Variants in USP34 observed in about 807,000 individuals in gnomAD.
USP34 encodes the protein ubiquitin carboxyl-terminal hydrolase 34.
USP34 carries 70 observed loss-of-function variants against 460.3 expected under a neutral mutation model. That is an observed-to-expected ratio of 0.15 (90% confidence interval 0.13 to 0.19). The LOEUF (loss-of-function observed/expected upper bound fraction) is 0.19, where lower values mean the gene tolerates loss of function less well. Among genes scored for constraint, USP34 ranks in the 10% least tolerant of loss-of-function variants. USP34 has a pLI of 1.00. For synonymous variants in USP34, 1,647 were observed against 1,405.3 expected (o/e 1.17, Z -3.85); for missense variants, 3,985 against 4,236.2 (o/e 0.94, Z 1.65).
chr2:61,440,755 C>T (rs1470428770), intron 1 of USP34, among the ~76,000 whole-genome samples: 10 of 151,610 alleles, frequency 6.6e-5, no homozygotes, highest in African/African-American at 2.4e-4. Flanking sequence ...TGACCTCAGG[C>T]AATCCGCCTG....
Position 61,214,677 on chromosome 2 carries a change from C to T in USP34, c.8065G>A (p.Val2689Met). 2.5e-6 allele frequency: 4 copies of T among 1,613,730 alleles called. No homozygotes were observed. Among genetic ancestry groups the T allele is most frequent in the Non-Finnish European group, 2.5e-6 (3 of 1,179,880 alleles). Reference sequence around the variant, plus strand: ...AATGAATTGCTTGGTATAAGGGACACCAGAAGATAAGCTGCAGCTATAAAA... The same window carrying T: ...AATGAATTGCTTGGTATAAGGGACATCAGAAGATAAGCTGCAGCTATAAAA... The part of the protein sequence containing the change: ...RVRTSAAYLL[V>M]SLIPSNSFRQ... Residue 2689 changes from valine (V) to methionine (M), a missense_variant, in exon 68 of 80, where the codon GTG becomes ATG. Transcript: ENST00000398571.
chr2:61,323,715 T>C (rs1690998688), intron 21 of USP34, among the ~76,000 whole-genome samples: 1 of 152,166 alleles, frequency 6.6e-6, no homozygotes, highest in Admixed American at 6.5e-5. Flanking sequence ...AGAGAATCTA[T>C]ACTGTGTATA....
intron 1 of USP34, among the ~76,000 whole-genome samples, chr2:61,438,315 A>T (rs549106870): frequency 1.3e-4 from 20 of 149,200 alleles, no homozygotes; most frequent in East Asian, 3.9e-4. Context: ...ATTCGTGATT[A>T]AAAAAAAAAC....
At chr2:61,258,758 T>C (rs539722923) in intron 44 of USP34, among the ~76,000 whole-genome samples, 4 of 152,280 alleles carry the variant, frequency 2.6e-5, no homozygotes, top group African/African-American at 7.2e-5. Context: ...AGATTTACTA[T>C]CTTTTTAAAA....
chr2:61,431,267 G>C (rs1295378701), intron 1 of USP34, among the ~76,000 whole-genome samples: 1 of 152,152 alleles, frequency 6.6e-6, no homozygotes, highest in Non-Finnish European at 1.5e-5. Context: ...CTGTCACTCA[G>C]GCTGGAATGC....
intron 8 of USP34, among the ~76,000 whole-genome samples, chr2:61,373,919 C>G (rs1282794631): frequency 6.6e-6 from 1 of 152,130 alleles, no homozygotes; most frequent in Non-Finnish European, 1.5e-5. Flanking sequence ...CTTTGGGAGG[C>G]CAAGACGGGT....
chr2:61,265,377 T>C lies in USP34; in HGVS notation c.5778+20A>G, dbSNP rs759565105. ...AAATCTGGTTTATAATTTTGATTTT[T>C]AAAGTGAGGAAAATTCTACCTTGGC... On this transcript the variant is annotated intron_variant, in intron 43 of 79. Transcript: ENST00000398571. 4 of 1,592,342 alleles carry C rather than the reference T, an allele frequency of 2.5e-6. No homozygotes were observed. In the South Asian group the frequency reaches 3.6e-5, roughly 14 times the overall value.
intron 4 of USP34, 22 bp downstream of exon 4, chr2:61,395,161 A>T: frequency 6.7e-7 from 1 of 1,492,926 alleles, no homozygotes; most frequent in Non-Finnish European, 9.1e-7. Flanking sequence ...TCCATAAAAG[A>T]ATAAAAAAGG....
At chr2:61,190,189 G>A (rs549459447) in intron 78 of USP34, 82 bp downstream of exon 78, 26 of 1,493,666 alleles carry the variant, frequency 1.7e-5, no homozygotes, top group Admixed American at 1.5e-4. Flanking sequence ...TTAAAGTTAC[G>A]AGAGTAAAAT....
chr2:61,226,710 G>T, intron 62 of USP34: 1 of 170,976 alleles, frequency 5.8e-6, no homozygotes, highest in Non-Finnish European at 1.2e-5. Flanking sequence ...AAACAGATTT[G>T]CATATACATC....
chr2:61,381,259 AAAT>A (rs1459481380), intron 6 of USP34, among the ~76,000 whole-genome samples: 7 of 127,318 alleles, frequency 5.5e-5, no homozygotes, highest in Non-Finnish European at 1.2e-4. Context: ...AACTAAAAAA[AAAT>A]AAAACACACA....
intron 1 of USP34, among the ~76,000 whole-genome samples, chr2:61,448,906 GCA>G (rs1206314445): frequency 6.6e-6 from 1 of 152,202 alleles, no homozygotes; most frequent in African/African-American, 2.4e-5. Context: ...TGTAATCTCA[GCA>G]CTCTGGGAGG....
At chr2:61,392,550 G>C (rs1293472157) in intron 5 of USP34, among the ~76,000 whole-genome samples, 1 of 152,114 alleles carries the variant, frequency 6.6e-6, no homozygotes, top group Non-Finnish European at 1.5e-5. Context: ...CTTGAACCCA[G>C]GAGGTGGATG....
chr2:61,291,942 T>TTCACC, intron 33 of USP34, among the ~76,000 whole-genome samples: 2 of 152,088 alleles, frequency 1.3e-5, no homozygotes, highest in African/African-American at 4.8e-5. Flanking sequence ...ATAGGCTAAG[T>TTCACC]GAAAGAAACC....
intron 75 of USP34, among the ~76,000 whole-genome samples, chr2:61,196,542 T>C (rs1686815697): frequency 6.6e-6 from 1 of 151,960 alleles, no homozygotes. Flanking sequence ...ATTTTTTTTT[T>C]TTCCTTTCTA....
intron 21 of USP34, among the ~76,000 whole-genome samples, chr2:61,319,617 G>C (rs1558527793): frequency 6.6e-6 from 1 of 151,060 alleles, no homozygotes; most frequent in Non-Finnish European, 1.5e-5. Context: ...GGCCGAGGTG[G>C]GTGGACTGCC....
intron 33 of USP34, among the ~76,000 whole-genome samples, chr2:61,291,605 TAC>T (rs950305619): frequency 1.5e-4 from 23 of 152,144 alleles, no homozygotes; most frequent in Non-Finnish European, 2.6e-4. Context: ...TATATATGTG[TAC>T]ACACACACAT....
At chr2:61,384,468 AAGACC>A (rs766076549) in intron 5 of USP34, among the ~76,000 whole-genome samples, 12 of 151,916 alleles carry the variant, frequency 7.9e-5, no homozygotes, top group Non-Finnish European at 1.6e-4. Flanking sequence ...TCAGGAGTTC[AAGACC>A]AGCCTGGGCA....
chr2:61,463,119 A>G (rs1282804655), intron 1 of USP34, among the ~76,000 whole-genome samples: 3 of 152,188 alleles, frequency 2.0e-5, no homozygotes, highest in South Asian at 4.1e-4. Context: ...TACTCATAGT[A>G]TCTAAAAAGC....
Sources: gnomAD v4.1 joint callset for allele counts (sites outside exome capture counted in the v4.1 genomes callset) on GRCh38, gnomAD v4.1.1 for gene constraint, MANE v1.5 for transcripts, NCBI Gene and HGNC (gene_info 2026-07-23, HGNC 2026-07-21) for gene names.